The following ATP2C1 variants were observed in gnomAD, a reference collection of about 807,000 sequenced individuals.
The protein encoded by ATP2C1 is calcium-transporting ATPase type 2C member 1.
In ATP2C1, 31 loss-of-function variants were observed where a neutral mutation model predicts 120.5. That is an observed-to-expected ratio of 0.26 (90% confidence interval 0.19 to 0.35). The LOEUF is 0.35. Ranked by LOEUF, ATP2C1 falls within the 10% of genes least tolerant of loss-of-function variation. The pLI is 1.00. For synonymous variants in ATP2C1, 351 were observed against 358.7 expected (o/e 0.98, Z 0.24); for missense variants, 731 against 1,107.5 (o/e 0.66, Z 4.83).
chr3:130,887,779 G>C (rs1334866504), intron 1 of ATP2C1, among the ~76,000 whole-genome samples: 1 of 152,164 alleles, frequency 6.6e-6, no homozygotes, highest in Non-Finnish European at 1.5e-5. Flanking sequence ...AAGAGGTTAG[G>C]CCTGGGATTG....
intron 1 of ATP2C1, among the ~76,000 whole-genome samples, chr3:130,865,433 G>A (rs541145694): frequency 6.6e-6 from 1 of 152,246 alleles, no homozygotes; most frequent in East Asian, 1.9e-4. Context: ...AAGACTTTGG[G>A]GGACTGTTGG....
At chr3:130,915,313 C>CG (rs935125437) in intron 2 of ATP2C1, among the ~76,000 whole-genome samples, 22 of 152,120 alleles carry the variant, frequency 1.4e-4, no homozygotes, top group Admixed American at 1.4e-3. Context: ...AGGCTGGTCT[C>CG]GAACTCCTGA....
At chr3:130,978,892 A>G (rs1356201364) in intron 18 of ATP2C1, among the ~76,000 whole-genome samples, 1 of 152,222 alleles carries the variant, frequency 6.6e-6, no homozygotes, top group African/African-American at 2.4e-5. Flanking sequence ...AAAGCCTAAC[A>G]AACCCATAGT....
rs569392437 is a variant in ATP2C1 at position 130,907,615 on chromosome 3, T to C, written c.6+12840T>C. ...TATTTCTAGACTCTGAATTCTATTCTGTTGGTTTATATGTCTTTGCTGATG... is the reference window on the plus strand; with the variant it reads ...TATTTCTAGACTCTGAATTCTATTCCGTTGGTTTATATGTCTTTGCTGATG... On this transcript the variant is annotated intron_variant, in intron 2 of 27. Transcript: ENST00000510168. Among the ~76,000 whole-genome samples, 15 of 152,202 alleles carry C rather than the reference T, an allele frequency of 9.9e-5. No homozygotes were observed. In the East Asian group the frequency reaches 2.9e-3, roughly 29 times the overall value.
chr3:130,976,723 C>T (rs574379029), intron 18 of ATP2C1, among the ~76,000 whole-genome samples: 1 of 152,276 alleles, frequency 6.6e-6, no homozygotes, highest in South Asian at 2.1e-4. Context: ...GCTTTCTGGA[C>T]CCCTGAAGCC....
At chr3:130,861,885 C>G (rs1017506386) in intron 1 of ATP2C1, among the ~76,000 whole-genome samples, 2 of 152,120 alleles carry the variant, frequency 1.3e-5, no homozygotes, top group Non-Finnish European at 2.9e-5. Context: ...TGAATACACC[C>G]TAAATGTTTT....
At chr3:130,895,577 T>C (rs2069545207) in intron 2 of ATP2C1, among the ~76,000 whole-genome samples, 1 of 152,234 alleles carries the variant, frequency 6.6e-6, no homozygotes, top group South Asian at 2.1e-4. Flanking sequence ...CATTTTTTTT[T>C]CTTCTGCCTT....
downstream of ATP2C1, among the ~76,000 whole-genome samples, chr3:131,005,384 T>C (rs2063069219): frequency 6.6e-6 from 1 of 152,152 alleles, no homozygotes; most frequent in Non-Finnish European, 1.5e-5. Context: ...TCCCAAATGC[T>C]GGGATTAGGT....
intron 12 of ATP2C1, among the ~76,000 whole-genome samples, chr3:130,960,118 C>T (rs1231611102): frequency 6.6e-6 from 1 of 152,126 alleles, no homozygotes; most frequent in Non-Finnish European, 1.5e-5. Flanking sequence ...GAAGAAAAGT[C>T]AGGTCATCTA....
In ATP2C1 at chr3:130,940,734, T is replaced by C. The variant is rs771326566; in HGVS notation, c.422+43T>C. Reference sequence around the variant, plus strand: ...GTATGGATTTCTGCCCCTTTAAAAATAGAAGTTGAATGTGACTAGTACCGT... The same window carrying C: ...GTATGGATTTCTGCCCCTTTAAAAACAGAAGTTGAATGTGACTAGTACCGT... On this transcript the variant is annotated intron_variant, in intron 7 of 27. Transcript: ENST00000510168. The C allele has an allele frequency of 2.7e-6, 4 of 1,471,132 alleles. No individual in the cohort carries two copies. In the Admixed American group the frequency reaches 5.0e-5, roughly 18 times the overall value. The allele number at this position is 1,471,132 out of a possible 1,614,324, so 91.1% of individuals were successfully genotyped here.
intron 22 of ATP2C1, among the ~76,000 whole-genome samples, chr3:130,994,741 A>G (rs1468864543): frequency 1.3e-5 from 2 of 151,898 alleles, no homozygotes; most frequent in East Asian, 3.9e-4. Context: ...CTGCTTTATT[A>G]CTCTGTTTTG....
chr3:130,967,655 G>T (rs143941483), intron 16 of ATP2C1, among the ~76,000 whole-genome samples: 16 of 152,184 alleles, frequency 1.1e-4, no homozygotes, highest in African/African-American at 3.9e-4. Context: ...AGCAGTCATT[G>T]ATTTCTTGTG....
At chr3:130,968,777 A>G (rs2061164363) in intron 16 of ATP2C1, among the ~76,000 whole-genome samples, 2 of 152,242 alleles carry the variant, frequency 1.3e-5, no homozygotes, top group African/African-American at 4.8e-5. Flanking sequence ...GATATTTTTG[A>G]TATTTAGATA....
intron 2 of ATP2C1, among the ~76,000 whole-genome samples, chr3:130,910,121 ATTTTG>A (rs1328880528): frequency 6.6e-6 from 1 of 152,022 alleles, no homozygotes; most frequent in Non-Finnish European, 1.5e-5. Context: ...GCTTGTTAGA[ATTTTG>A]TTTTGGTTTG....
chr3:130,953,626 T>G (rs187400333), intron 8 of ATP2C1, among the ~76,000 whole-genome samples, 195 bp from the exon 9 acceptor site: 36 of 152,332 alleles, frequency 2.4e-4, no homozygotes, highest in African/African-American at 8.4e-4. Context: ...TTTGCATGTC[T>G]TAGATTTTGT....
rs577190473 is a variant in ATP2C1, at chr3:131,012,367, C to T, written c.2630-3785C>T. Among the ~76,000 whole-genome samples the T allele has an allele frequency of 3.1e-3, 468 of 150,184 alleles. 1 individual carries two copies. The highest frequency in any genetic ancestry group is 4.7e-3 in the Non-Finnish European group (317 of 67,780). On this transcript the variant is annotated intron_variant, in intron 26 of 26. Coordinates refer to the ATP2C1 transcript ENST00000328560. ...CTGTCTCCCGGGTTCAAGCAGTTCT[C>T]CCGCCTCAGCCTCCTGAGTAGCTGG...
intron 20 of ATP2C1, 44 bp downstream of exon 20, chr3:130,980,723 A>T: frequency 7.4e-7 from 1 of 1,353,620 alleles, no homozygotes; most frequent in South Asian, 1.2e-5. Context: ...GCCTTATTCT[A>T]AGTGTTACCA....
chr3:130,998,418 C>T (rs1560033734), intron 26 of ATP2C1, 29 bp downstream of exon 26: 1 of 1,468,826 alleles, frequency 6.8e-7, no homozygotes, highest in East Asian at 2.3e-5. Context: ...AGTTGATTGA[C>T]TTGATTGACT....
chr3:130,911,527 T>C (rs1045810199), intron 2 of ATP2C1, among the ~76,000 whole-genome samples: 3 of 151,640 alleles, frequency 2.0e-5, no homozygotes, highest in African/African-American at 7.3e-5. Flanking sequence ...TTCTAGTTCT[T>C]TTAATTGTGA....
Sources: allele counts gnomAD v4.1 joint callset (sites outside exome capture counted in the v4.1 genomes callset), GRCh38; gene constraint gnomAD v4.1.1; transcripts MANE v1.5; gene names NCBI Gene and HGNC (gene_info 2026-07-23, HGNC 2026-07-21).